SPRED1: variants seen among roughly 807,000 people sequenced by gnomAD.
SPRED1 encodes the protein sprouty-related, EVH1 domain-containing protein 1.
SPRED1 carries 18 observed loss-of-function variants against 52.3 expected under a neutral mutation model. The ratio of observed to expected loss-of-function variants is 0.34; its 90% CI spans 0.24 to 0.51. The LOEUF (loss-of-function observed/expected upper bound fraction) is 0.51. Ranked by LOEUF, SPRED1 falls within the 20% of genes least tolerant of loss-of-function variation. SPRED1 has a pLI of 0.97. For missense variants in SPRED1, 485 were observed against 551.0 expected (o/e 0.88, Z 1.20); for synonymous variants, 155 against 179.7 (o/e 0.86, Z 1.10).
chr15:38,321,337 G>C (rs529047373), intron 2 of SPRED1, among the ~76,000 whole-genome samples: 96 of 151,964 alleles, frequency 6.3e-4, no homozygotes, highest in Non-Finnish European at 1.2e-3. Context: ...AAAAACCAAG[G>C]GTATATTGCT....
At position 38,342,151 on chromosome 15, in the gene SPRED1, CTG is replaced by C. The variant is rs1009362739; in HGVS notation, c.582+2260_582+2261del. On this transcript the variant is annotated intron_variant, in intron 5 of 6. Transcript: ENST00000299084. ...ATTCATTTTTTATTTGCCCCATTTG[CTG>C]TGTTTTTTTTCCTTCACTTTGCTTA... is the stretch of plus-strand genomic sequence containing the variant. Among the ~76,000 whole-genome samples the C allele has an allele frequency of 9.4e-5, 14 of 149,630 alleles. 1 individual carries two copies. In the South Asian group the frequency reaches 3.0e-3, roughly 32 times the overall value.
chr15:38,346,772 T>C (rs1222196570), intron 5 of SPRED1, among the ~76,000 whole-genome samples: 1 of 152,214 alleles, frequency 6.6e-6, no homozygotes, highest in Non-Finnish European at 1.5e-5. Context: ...AGGAGTGGAC[T>C]TTTTACATTG....
Position 38,351,210 on chromosome 15 carries a change from A to T in SPRED1, c.881A>T (p.Tyr294Phe), listed in dbSNP as rs886051105. 1 of 1,614,074 alleles carries T rather than the reference A, an allele frequency of 6.2e-7. No homozygotes were observed. The highest frequency in any genetic ancestry group is 2.2e-5 in the East Asian group (1 of 44,880). The change falls in exon 7 of 7, where the codon TAC becomes TTC. Residue 294 changes from tyrosine to phenylalanine, a missense_variant. Transcript: ENST00000299084. ...GACAGTAAAAAATCAGACTATCTGTACTCTTGTGGGGATGAGACTAAGTTA... is the reference window on the plus strand; with the variant it reads ...GACAGTAAAAAATCAGACTATCTGTTCTCTTGTGGGGATGAGACTAAGTTA... Reference protein sequence around the residue: ...KPDSKKSDYLYSCGDETKLSS... With the variant: ...KPDSKKSDYLFSCGDETKLSS...
intron 1 of SPRED1, among the ~76,000 whole-genome samples, chr15:38,275,135 T>G (rs1459469147): frequency 1.3e-5 from 2 of 152,224 alleles, no homozygotes; most frequent in Non-Finnish European, 2.9e-5. Context: ...CTTCCGTCAT[T>G]CCTTCTGCTT....
intron 2 of SPRED1, among the ~76,000 whole-genome samples, chr15:38,305,878 G>T (rs1007939920): frequency 1.3e-5 from 2 of 152,030 alleles, no homozygotes; most frequent in Non-Finnish European, 1.5e-5. Context: ...ATAAACTTAG[G>T]AATTATCAGT....
At chr15:38,330,715 T>C in intron 4 of SPRED1, among the ~76,000 whole-genome samples, 1 of 152,222 alleles carries the variant, frequency 6.6e-6, no homozygotes, top group Non-Finnish European at 1.5e-5. Context: ...ACCAATGATA[T>C]AATTATTTAA....
At chr15:38,341,627 T>A (rs1036510273) in intron 5 of SPRED1, among the ~76,000 whole-genome samples, 72 of 152,174 alleles carry the variant, frequency 4.7e-4, no homozygotes, top group Non-Finnish European at 9.7e-4. Flanking sequence ...TGCCCTATTT[T>A]TACCATTATC....
chr15:38,259,578 T>C (rs755532233), intron 1 of SPRED1, among the ~76,000 whole-genome samples: 1 of 152,192 alleles, frequency 6.6e-6, no homozygotes, highest in Non-Finnish European at 1.5e-5. Context: ...AAGTATGGCC[T>C]CCATCTGTGG....
At position 38,351,627 on chromosome 15, in the gene SPRED1, G is replaced by A. The variant is rs779454951; in HGVS notation, c.1298G>A (p.Cys433Tyr). 1.7e-5 allele frequency: 27 copies of A among 1,613,742 alleles called. No individual in the cohort carries two copies. The Admixed American group carries it at 2.5e-4, about 15-fold the overall frequency. The change falls in exon 7 of 7, where the codon TGT becomes TAT. Residue 433 changes from cysteine (C) to tyrosine (Y), a missense_variant. Around this residue, in one of 5 missense-constraint regions of SPRED1, gnomAD observed 205 missense variants for 245.2 expected, o/e 0.84. Coordinates refer to ENST00000299084, the MANE Select transcript of SPRED1 (RefSeq NM_152594.3). ...ATGTGCCATCGCTGTGGTGAGGCAT[G>A]TGGTTGCTGTGGTGGGAAACATAAA... ...LRMCHRCGEA[C>Y]GCCGGKHKAA...
chr15:38,257,254 C>G (rs927723575), intron 1 of SPRED1, among the ~76,000 whole-genome samples: 1 of 152,096 alleles, frequency 6.6e-6, no homozygotes, highest in Admixed American at 6.5e-5. Flanking sequence ...TCTATGACCG[C>G]TATTCTGTAA....
At position 38,349,536 on chromosome 15, in the gene SPRED1, A is replaced by G. The variant is rs1335075291; in HGVS notation, c.684+13A>G. 6.4e-7 allele frequency: 1 copy of G among 1,556,562 alleles called. No individual in the cohort carries two copies. Among genetic ancestry groups the G allele is most frequent in the Non-Finnish European group, 8.8e-7 (1 of 1,130,880 alleles). On this transcript the variant is annotated intron_variant, in intron 6 of 6. Coordinates refer to ENST00000299084, the MANE Select transcript of SPRED1 (RefSeq NM_152594.3). Reference sequence around the variant, plus strand: ...GTCCCAAAATAGGGTAAGTAATGTTAGTTTATCTTGTGATATGGAATTTAA... The same window carrying G: ...GTCCCAAAATAGGGTAAGTAATGTTGGTTTATCTTGTGATATGGAATTTAA...
At chr15:38,312,950 C>T (rs967675670) in intron 2 of SPRED1, among the ~76,000 whole-genome samples, 3 of 151,692 alleles carry the variant, frequency 2.0e-5, no homozygotes, top group Admixed American at 6.6e-5. Context: ...CTCTTGTATA[C>T]CTTTTACCTA....
chr15:38,268,090 A>G (rs1055948890), intron 1 of SPRED1: 4 of 152,230 alleles, frequency 2.6e-5, no homozygotes, highest in Non-Finnish European at 5.9e-5. Flanking sequence ...TTAATTTGCA[A>G]TACATTGCTA....
chr15:38,253,695 C>T (rs905796061), intron 1 of SPRED1, among the ~76,000 whole-genome samples: 2 of 151,580 alleles, frequency 1.3e-5, no homozygotes, highest in African/African-American at 4.9e-5. Flanking sequence ...CCGATTAAGC[C>T]TTCACCCTCT....
intron 1 of SPRED1, among the ~76,000 whole-genome samples, chr15:38,254,669 C>T (rs1307524436): frequency 6.6e-6 from 1 of 152,194 alleles, no homozygotes; most frequent in Non-Finnish European, 1.5e-5. Context: ...CACACACAAA[C>T]AACTACCCCT....
intron 1 of SPRED1, among the ~76,000 whole-genome samples, chr15:38,254,409 T>G (rs2140944344): frequency 6.6e-6 from 1 of 152,188 alleles, no homozygotes; most frequent in Non-Finnish European, 1.5e-5. Flanking sequence ...TAGAAGGAGG[T>G]ACATTGCTGC....
intron 1 of SPRED1, among the ~76,000 whole-genome samples, chr15:38,294,724 A>C (rs1894997763): frequency 6.6e-6 from 1 of 152,238 alleles, no homozygotes; most frequent in African/African-American, 2.4e-5. Context: ...AAATGTATCC[A>C]AATTTAGGAA....
chr15:38,279,818 G>A lies in SPRED1; in HGVS notation c.33-19555G>A, dbSNP rs920123723. Among the ~76,000 whole-genome samples the A allele has an allele frequency of 6.1e-4, 93 of 152,286 alleles. 2 individuals carry two copies. The highest frequency in any genetic ancestry group is 6.0e-3 in the Admixed American group (92 of 15,292). ...AGTTCCTAATGTAGAATAAGAACTA[G>A]GTAATACATGACAAACACTTATGGG... On this transcript the variant is annotated intron_variant, in intron 1 of 6. Coordinates refer to ENST00000299084, the MANE Select transcript of SPRED1 (RefSeq NM_152594.3).
chr15:38,347,842 A>G (rs965990631), intron 5 of SPRED1, among the ~76,000 whole-genome samples: 5 of 152,030 alleles, frequency 3.3e-5, no homozygotes, highest in Non-Finnish European at 7.4e-5. Context: ...AGATTATAGC[A>G]AAAGTACCAA....
Sources: allele counts gnomAD v4.1 joint callset (sites outside exome capture counted in the v4.1 genomes callset), GRCh38; gene constraint gnomAD v4.1.1; regional missense constraint gnomAD v4.1.1; transcripts MANE v1.5; gene names NCBI Gene and HGNC (gene_info 2026-07-23, HGNC 2026-07-21).